The following PIEZO2 variants were observed in gnomAD, a reference collection of about 807,000 sequenced individuals.
PIEZO2 encodes piezo-type mechanosensitive ion channel component 2.
In PIEZO2, 172 loss-of-function variants were observed where a neutral mutation model predicts 337.3. That is an observed-to-expected ratio of 0.51 (90% CI 0.45 to 0.58). PIEZO2 has a LOEUF of 0.58. PIEZO2 is among the 20% of genes least tolerant of loss of function. The pLI is 0.00. For missense variants in PIEZO2, 3,028 were observed against 3,391.3 expected (o/e 0.89, Z 2.66); for synonymous variants, 1,251 against 1,228.5 (o/e 1.02, Z -0.38).
intron 23 of PIEZO2, among the ~76,000 whole-genome samples, chr18:10,762,250 G>A (rs945769284): frequency 6.6e-6 from 1 of 152,186 alleles, no homozygotes; most frequent in Admixed American, 6.5e-5. Flanking sequence ...GTCTTAACAT[G>A]ATTGTATAAT....
In PIEZO2 at chr18:10,797,148, A is replaced by G. The variant is rs116414639; in HGVS notation, c.1527+226T>C. Among the ~76,000 whole-genome samples the G allele has an allele frequency of 0.013, 1,966 of 151,332 alleles. 32 individuals are homozygous for G. Among genetic ancestry groups the G allele is most frequent in the African/African-American group, 0.046 (1,867 of 40,812 alleles). On this transcript the variant is annotated intron_variant, in intron 12 of 55. Transcript: ENST00000674853. Reference sequence around the variant, plus strand: ...ACCATCATAGCACACATACCATCATATCATATTATACATATCATCATATTA... The same window carrying G: ...ACCATCATAGCACACATACCATCATGTCATATTATACATATCATCATATTA...
In PIEZO2 at chr18:10,942,010, C is replaced by T. The variant is rs938948261; in HGVS notation, c.287-30782G>A. ...GATGGGAGTTTCTCTGTACAAGTCT[C>T]TCTTCGCCTGCTGCCATCCACGTAA... On this transcript the variant is annotated intron_variant, in intron 3 of 55. Coordinates refer to ENST00000674853, the MANE Select transcript of PIEZO2 (RefSeq NM_001378183.1). The surrounding 1 kb of genome is among the most constrained non-coding windows in gnomAD (Gnocchi z 4.4). 3.3e-5 allele frequency among the ~76,000 whole-genome samples: 5 copies of T among 152,196 alleles called. No individual in the cohort carries two copies. The highest frequency in any genetic ancestry group is 1.2e-4 in the African/African-American group (5 of 41,440).
In PIEZO2 at chr18:10,767,158, T is replaced by C. The variant is rs2038399980; in HGVS notation, c.2946+2990A>G. Among the ~76,000 whole-genome samples the C allele has an allele frequency of 6.6e-6, 1 of 152,104 alleles. No homozygotes were observed. The highest frequency in any genetic ancestry group is 1.5e-5 in the Non-Finnish European group (1 of 68,028). Reference sequence around the variant, plus strand: ...CCTTCGGAATTAGAAAGTAGCTGTGTATTTCAAAAGGAGGAGAAAATGTTT... The same window carrying C: ...CCTTCGGAATTAGAAAGTAGCTGTGCATTTCAAAAGGAGGAGAAAATGTTT... On this transcript the variant is annotated intron_variant, in intron 21 of 55. Transcript: ENST00000674853. The surrounding 1 kb of genome is among the most constrained non-coding windows in gnomAD (Gnocchi z 4.2).
intron 3 of PIEZO2, among the ~76,000 whole-genome samples, chr18:10,912,387 A>G (rs920127431): frequency 6.6e-6 from 1 of 152,208 alleles, no homozygotes; most frequent in African/African-American, 2.4e-5. Flanking sequence ...TGATTTCAGT[A>G]ACTATTGCAG....
Position 11,086,502 on chromosome 18 carries a change from G to C in PIEZO2, c.65-20280C>G, listed in dbSNP as rs954978169. Among the ~76,000 whole-genome samples, 5 of 145,732 alleles carry C rather than the reference G, an allele frequency of 3.4e-5. No individual in the cohort carries two copies. In the South Asian group the frequency reaches 1.1e-3, roughly 31 times the overall value. On this transcript the variant is annotated intron_variant, in intron 1 of 55. Coordinates refer to ENST00000674853, the MANE Select transcript of PIEZO2 (RefSeq NM_001378183.1). ...CCACTGCACTCCAGCCTGGGCAACA[G>C]AGCGAGACTCCGTCTCAAAAAAAAA...
At chr18:10,778,187 TATATACTTTATTA>T (rs2144045703) in intron 18 of PIEZO2, among the ~76,000 whole-genome samples, 1 of 152,274 alleles carries the variant, frequency 6.6e-6, no homozygotes, top group South Asian at 2.1e-4. Context: ...AAAGCAAGCT[TATATACTTTATTA>T]AAGGATTCAC....
At chr18:10,827,835 A>T (rs1429169576) in intron 7 of PIEZO2, among the ~76,000 whole-genome samples, 3 of 152,206 alleles carry the variant, frequency 2.0e-5, no homozygotes, top group Non-Finnish European at 4.4e-5. Flanking sequence ...GAACTAGCTC[A>T]TGTTAAGGGG....
Position 10,837,628 on chromosome 18 carries a change from A to G in PIEZO2, c.917+17725T>C, listed in dbSNP as rs902174533. Among the ~76,000 whole-genome samples the G allele has an allele frequency of 6.6e-6, 1 of 152,242 alleles. No homozygotes were observed. The highest frequency in any genetic ancestry group is 2.4e-5 in the African/African-American group (1 of 41,470). Reference sequence around the variant, plus strand: ...TAAAATCTAACTGTGGGTGGACAGAACAGAATTAATTTTTACATATGAATG... The same window carrying G: ...TAAAATCTAACTGTGGGTGGACAGAGCAGAATTAATTTTTACATATGAATG... On this transcript the variant is annotated intron_variant, in intron 7 of 55. Transcript: ENST00000674853. The surrounding 1 kb of genome is among the most constrained non-coding windows in gnomAD (Gnocchi z 4.4).
rs2034717411 is a variant in PIEZO2, at chr18:10,982,714, C to G, written c.161-3054G>C. ...GCAGATATTAAAATATGTTATAAAA[C>G]CATATGTTTATTTATTTTTTTTTTG... On this transcript the variant is annotated intron_variant, in intron 2 of 55. Coordinates refer to ENST00000674853, the MANE Select transcript of PIEZO2 (RefSeq NM_001378183.1). The surrounding 1 kb of genome is among the most constrained non-coding windows in gnomAD (Gnocchi z 4.1). 6.6e-6 allele frequency among the ~76,000 whole-genome samples: 1 copy of G among 151,794 alleles called. No individual in the cohort carries two copies. The highest frequency in any genetic ancestry group is 1.5e-5 in the Non-Finnish European group (1 of 67,966).
At chr18:11,029,254 G>A (rs1021227119) in intron 2 of PIEZO2, among the ~76,000 whole-genome samples, 3 of 152,056 alleles carry the variant, frequency 2.0e-5, no homozygotes, top group Non-Finnish European at 2.9e-5. Flanking sequence ...CTCCAGACCC[G>A]GCTCCCCATT....
intron 27 of PIEZO2, among the ~76,000 whole-genome samples, chr18:10,753,428 C>T (rs2037721424): frequency 6.6e-6 from 1 of 152,140 alleles, no homozygotes; most frequent in African/African-American, 2.4e-5. Flanking sequence ...GTCAGGATTC[C>T]CTTTTGGGGG....
At chr18:10,808,219 G>A (rs560741901) in intron 7 of PIEZO2, among the ~76,000 whole-genome samples, 13 of 152,220 alleles carry the variant, frequency 8.5e-5, no homozygotes, top group African/African-American at 1.9e-4. Flanking sequence ...CTCCCAAGTC[G>A]CTAGGAACAC....
Position 10,672,983 on chromosome 18 carries a change from T to C in PIEZO2, c.8162-110A>G. ...GGTTACTAACTATAGCATAAGGTTC[T>C]AGGATGAAAAGGATGCATGGACATA... On this transcript the variant is annotated intron_variant, in intron 54 of 55. Coordinates refer to ENST00000674853, the MANE Select transcript of PIEZO2 (RefSeq NM_001378183.1). The surrounding 1 kb of genome is among the most constrained non-coding windows in gnomAD (Gnocchi z 4.7). The C allele has an allele frequency of 1.1e-6, 1 of 890,534 alleles. No individual in the cohort carries two copies. The highest frequency in any genetic ancestry group is 1.7e-6 in the Non-Finnish European group (1 of 587,032). 55.2% of individuals were successfully genotyped at this position (890,534 alleles called of 1,614,324 possible).
At chr18:11,024,773 G>A (rs1040634702) in intron 2 of PIEZO2, among the ~76,000 whole-genome samples, 1 of 151,392 alleles carries the variant, frequency 6.6e-6, no homozygotes, top group Non-Finnish European at 1.5e-5. Context: ...TGAGTAGCTG[G>A]GATTATAGGC....
In PIEZO2 at chr18:10,833,827, C is replaced by T. The variant is rs1004861023; in HGVS notation, c.917+21526G>A. Among the ~76,000 whole-genome samples the T allele has an allele frequency of 6.6e-6, 1 of 152,224 alleles. No homozygotes were observed. The highest frequency in any genetic ancestry group is 2.1e-4 in the South Asian group (1 of 4,836). ...TCCTTTGTTTAAAAAACGCATTAGG[C>T]TGCCCTTTCCCTGAAGCCAAGGTTG... On this transcript the variant is annotated intron_variant, in intron 7 of 55. Transcript: ENST00000674853. This position sits in a 1 kb window ranked among gnomAD's most constrained non-coding sequence, Gnocchi z 4.7.
intron 38 of PIEZO2, 30 bp from the exon 39 acceptor site, chr18:10,714,960 T>C: frequency 6.5e-7 from 1 of 1,533,366 alleles, no homozygotes; most frequent in Non-Finnish European, 8.7e-7. Flanking sequence ...GCCACAGTTC[T>C]TATGGAGGCA....
chr18:10,970,271 G>C (rs2034180675), intron 3 of PIEZO2, among the ~76,000 whole-genome samples: 1 of 152,134 alleles, frequency 6.6e-6, no homozygotes. Context: ...GCAAAGGCAT[G>C]GCCAGGCAAT....
intron 7 of PIEZO2, among the ~76,000 whole-genome samples, chr18:10,840,040 T>C (rs2041143564): frequency 1.3e-5 from 2 of 152,200 alleles, no homozygotes; most frequent in African/African-American, 2.4e-5. Context: ...TCATGAAATA[T>C]AGCTATAACT....
At chr18:11,106,266 T>A (rs2039557953) in intron 1 of PIEZO2, among the ~76,000 whole-genome samples, 1 of 149,696 alleles carries the variant, frequency 6.7e-6, no homozygotes, top group African/African-American at 2.5e-5. Flanking sequence ...TTTTGTATTT[T>A]TTTTTTTTTT....
Sources: allele counts gnomAD v4.1 joint callset (sites outside exome capture counted in the v4.1 genomes callset), GRCh38; gene constraint gnomAD v4.1.1; non-coding constraint Gnocchi (gnomAD v3.1); transcripts MANE v1.5; gene names NCBI Gene and HGNC (gene_info 2026-07-23, HGNC 2026-07-21).